The following CCDC171 variants were observed in gnomAD, a reference collection of about 807,000 sequenced individuals.
CCDC171 encodes the protein coiled-coil domain containing 171.
CCDC171 carries 177 observed loss-of-function variants against 168.2 expected under a neutral mutation model. The ratio of observed to expected loss-of-function variants is 1.05; its 90% confidence interval spans 0.93 to 1.19. The LOEUF is 1.19. Ranked by LOEUF, CCDC171 falls within the 50% of genes most tolerant of loss-of-function variation. CCDC171 has a pLI of 0.00. For missense variants in CCDC171, 1,991 were observed against 1,539.0 expected, an observed-to-expected ratio of 1.29 and a Z score of -4.91; for synonymous variants, 687 against 540.8, an observed-to-expected ratio of 1.27 and a Z score of -3.75.
chr9:15,686,204 C>T (rs1414158608), intron 10 of CCDC171, among the ~76,000 whole-genome samples: 1 of 151,956 alleles, frequency 6.6e-6, no homozygotes, highest in Non-Finnish European at 1.5e-5. Context: ...ATTTTTATAC[C>T]TTGATATTAA....
At chr9:15,991,160 G>T (rs1832183373) in intron 3 of CCDC171, among the ~76,000 whole-genome samples, 1 of 152,076 alleles carries the variant, frequency 6.6e-6, no homozygotes, top group African/African-American at 2.4e-5. Context: ...TTCCAAAATT[G>T]ACCACATAAT....
chr9:15,713,287 C>G (rs998247494), intron 11 of CCDC171, among the ~76,000 whole-genome samples: 1 of 148,214 alleles, frequency 6.7e-6, no homozygotes, highest in African/African-American at 2.5e-5. Context: ...GTCACCATAA[C>G]ATACAGAACC....
chr9:15,742,226 A>G (rs986871992), intron 16 of CCDC171, among the ~76,000 whole-genome samples: 1 of 152,140 alleles, frequency 6.6e-6, no homozygotes, highest in African/African-American at 2.4e-5. Flanking sequence ...TCTGATTCTC[A>G]CATCCCTTTA....
chr9:15,603,940 C>T (rs1380126995), intron 6 of CCDC171, among the ~76,000 whole-genome samples: 3 of 152,150 alleles, frequency 2.0e-5, no homozygotes, highest in Non-Finnish European at 4.4e-5. Flanking sequence ...TTAATAATTG[C>T]CATTCTGACT....
chr9:16,102,675 A>G, the CCDC171 span, among the ~76,000 whole-genome samples: 2 of 152,176 alleles, frequency 1.3e-5, no homozygotes, highest in African/African-American at 2.4e-5. Context: ...TGTGTTTTGC[A>G]ATTCTCCAAA....
chr9:15,682,340 C>G (rs1564201761), intron 10 of CCDC171, among the ~76,000 whole-genome samples: 1 of 151,942 alleles, frequency 6.6e-6, no homozygotes. Flanking sequence ...GATAGCTCCC[C>G]TGTTTTGAGA....
At chr9:16,020,468 A>G (rs559876645) in intron 3 of CCDC171, 8 of 153,702 alleles carry the variant, frequency 5.2e-5, no homozygotes, top group African/African-American at 1.7e-4. Context: ...ATTTGTTTTT[A>G]CTGCAGATCT....
At chr9:15,788,564 T>C (rs1157795729) in intron 21 of CCDC171, among the ~76,000 whole-genome samples, 1 of 151,666 alleles carries the variant, frequency 6.6e-6, no homozygotes, top group Non-Finnish European at 1.5e-5. Context: ...ATTTTGGGAA[T>C]TTTGTTTTAA....
In CCDC171 at chr9:15,569,001, G is replaced by C. The variant is rs545864207; in HGVS notation, c.42-2623G>C. On this transcript the variant is annotated intron_variant, in intron 2 of 25. Coordinates refer to ENST00000380701, the MANE Select transcript of CCDC171 (RefSeq NM_173550.4). ...CTGTGTCCAGGATGGTATTGCCTAG[G>C]TTGTCTTTCAGGGATTTTTATAGTC... Among the ~76,000 whole-genome samples, 5 of 152,252 alleles carry C rather than the reference G, an allele frequency of 3.3e-5. No homozygotes were observed. The East Asian group carries it at 9.6e-4, about 29-fold the overall frequency.
intron 18 of CCDC171, chr9:15,776,376 C>T (rs780423590): frequency 6.6e-6 from 1 of 152,110 alleles, no homozygotes; most frequent in African/African-American, 2.4e-5. Flanking sequence ...GGGACTGTCA[C>T]AGAGTATGTT....
chr9:16,034,422 T>TAA (rs1250329807), intron 6 of CCDC171, among the ~76,000 whole-genome samples: 1 of 152,190 alleles, frequency 6.6e-6, no homozygotes, highest in Non-Finnish European at 1.5e-5. Flanking sequence ...CAACGGGTGG[T>TAA]AAACTGCCCT....
chr9:15,569,915 A>C (rs1369366135), intron 2 of CCDC171, among the ~76,000 whole-genome samples: 1 of 150,230 alleles, frequency 6.7e-6, no homozygotes, highest in Non-Finnish European at 1.5e-5. Context: ...TTTTTCTTTT[A>C]TTTTTATTTG....
In CCDC171 at chr9:15,920,408, GC is replaced by G. The variant is rs76132313; in HGVS notation, c.3740del (p.Ala1247GlufsTer6). The G allele has an allele frequency of 1.5e-4, 244 of 1,605,426 alleles. 1 individual carries two copies. The African/African-American group carries it at 3.0e-3, about 20-fold the overall frequency. ...ELHTACLREN[A>X]SLQSIGSRDH... ...TCACACAGCTTGTTTACGTGAAAATGCAAGTTTACAATCAGTAAGTCCTTGT... is the reference window on the plus strand; with the variant it reads ...TCACACAGCTTGTTTACGTGAAAATGAAGTTTACAATCAGTAAGTCCTTGT... On this transcript the variant is annotated frameshift_variant, in exon 25 of 26. Coordinates refer to ENST00000380701, the MANE Select transcript of CCDC171 (RefSeq NM_173550.4). LOFTEE classifies it high-confidence loss of function.
chr9:15,610,708 C>T (rs549226708), intron 6 of CCDC171, among the ~76,000 whole-genome samples: 6 of 151,940 alleles, frequency 3.9e-5, no homozygotes, highest in East Asian at 3.9e-4. Flanking sequence ...CAGGTGTGCA[C>T]GACCATACCT....
intron 18 of CCDC171, among the ~76,000 whole-genome samples, chr9:15,752,670 C>T (rs2055835305): frequency 6.6e-6 from 1 of 152,138 alleles, no homozygotes. Context: ...CATGTTCTCA[C>T]TCATAAGTGG....
At chr9:16,036,717 A>C (rs1586850387) in intron 8 of CCDC171, among the ~76,000 whole-genome samples, 1 of 152,246 alleles carries the variant, frequency 6.6e-6, no homozygotes, top group African/African-American at 2.4e-5. Context: ...TTGTCAATCA[A>C]GAATTCTGAA....
intron 10 of CCDC171, among the ~76,000 whole-genome samples, chr9:15,691,907 G>T (rs2050828068): frequency 6.6e-6 from 1 of 151,858 alleles, no homozygotes; most frequent in South Asian, 2.1e-4. Context: ...TGAACTCCTG[G>T]GCTTGATCCT....
intron 18 of CCDC171, among the ~76,000 whole-genome samples, chr9:15,774,688 A>G (rs911397532): frequency 6.6e-6 from 1 of 152,264 alleles, no homozygotes; most frequent in African/African-American, 2.4e-5. Context: ...TGCAATTGCA[A>G]AAGTGCGGAA....
intron 16 of CCDC171, among the ~76,000 whole-genome samples, chr9:15,736,157 C>T (rs550279729): frequency 6.6e-6 from 1 of 152,198 alleles, no homozygotes; most frequent in East Asian, 1.9e-4. Context: ...AATGTCTAGC[C>T]CATTGCTTGG....
Sources: allele counts gnomAD v4.1 joint callset (sites outside exome capture counted in the v4.1 genomes callset), GRCh38; gene constraint gnomAD v4.1.1; transcripts MANE v1.5; gene names NCBI Gene and HGNC (gene_info 2026-07-23, HGNC 2026-07-21).